Variants in SLCO5A1 observed in about 807,000 individuals in gnomAD.
The protein encoded by SLCO5A1 is organic anion transporter polypeptide-related protein 4.
Under a neutral mutation model 65.1 loss-of-function variants are expected in SLCO5A1, and 39 were observed. The observed-to-expected ratio is 0.60, with a 90% CI of 0.46 to 0.78. SLCO5A1 has a LOEUF of 0.78. Among genes scored for constraint, SLCO5A1 ranks in the 30% least tolerant of loss-of-function variants. The pLI, the probability that SLCO5A1 is intolerant of heterozygous loss-of-function variation, is 0.00. For missense variants in SLCO5A1, 1,029 were observed against 1,069.4 expected (o/e 0.96, Z 0.53); for synonymous variants, 438 against 415.7 (o/e 1.05, Z -0.65).
intron 5 of SLCO5A1, among the ~76,000 whole-genome samples, chr8:69,734,458 C>T (rs2959548): frequency 0.085 from 12,902 of 152,220 alleles, 638 homozygotes; most frequent in African/African-American, 0.1. Context: ...CTCTGTGATC[C>T]AAATTTTCTG....
intron 9 of SLCO5A1, among the ~76,000 whole-genome samples, chr8:69,674,376 G>A (rs1813462910): frequency 1.3e-5 from 2 of 152,132 alleles, no homozygotes; most frequent in Admixed American, 6.5e-5. Context: ...AAGGCAGAGA[G>A]GATAGGCAGG....
At chr8:69,739,836 A>G (rs1308569748) in intron 4 of SLCO5A1, among the ~76,000 whole-genome samples, 1 of 152,196 alleles carries the variant, frequency 6.6e-6, no homozygotes, top group Non-Finnish European at 1.5e-5. Context: ...TTAAAATGTC[A>G]TATCCAAAAT....
Position 69,802,802 on chromosome 8 carries a change from C to T in SLCO5A1, c.907+28965G>A, listed in dbSNP as rs200678327. On this transcript the variant is annotated intron_variant, in intron 2 of 9. Coordinates refer to ENST00000260126, the MANE Select transcript of SLCO5A1 (RefSeq NM_030958.3). ...CACCACTCTCCTACAAAGAGACCTACTTTATTTGCTTTTTCTTCATAGCCC... is the reference window on the plus strand; with the variant it reads ...CACCACTCTCCTACAAAGAGACCTATTTTATTTGCTTTTTCTTCATAGCCC... 9.9e-5 allele frequency among the ~76,000 whole-genome samples: 15 copies of T among 152,268 alleles called. No individual in the cohort carries two copies. In the East Asian group the frequency reaches 2.7e-3, roughly 27 times the overall value.
chr8:69,677,318 G>A (rs187092057), intron 8 of SLCO5A1, among the ~76,000 whole-genome samples: 2 of 152,202 alleles, frequency 1.3e-5, no homozygotes, highest in African/African-American at 2.4e-5. Context: ...AGATTAAAGG[G>A]CTCCTTTTCT....
intron 2 of SLCO5A1, among the ~76,000 whole-genome samples, chr8:69,821,718 A>G (rs1820651999): frequency 6.6e-6 from 1 of 151,778 alleles, no homozygotes; most frequent in African/African-American, 2.4e-5. Flanking sequence ...GGTGGGAGAA[A>G]CACCTGAGCC....
intron 2 of SLCO5A1, among the ~76,000 whole-genome samples, chr8:69,768,400 T>C (rs1818170700): frequency 1.3e-5 from 2 of 152,238 alleles, no homozygotes; most frequent in Non-Finnish European, 2.9e-5. Flanking sequence ...ATCAAAGGAA[T>C]GCCCATCACT....
chr8:69,802,522 A>AC (rs1819788867), intron 2 of SLCO5A1, among the ~76,000 whole-genome samples: 2 of 77,398 alleles, frequency 2.6e-5, no homozygotes, highest in Non-Finnish European at 3.5e-5. Flanking sequence ...AAAAACACTA[A>AC]AAAAAAAAAA....
chr8:69,726,290 T>C (rs764507002), intron 5 of SLCO5A1, among the ~76,000 whole-genome samples: 2 of 152,186 alleles, frequency 1.3e-5, no homozygotes, highest in Admixed American at 6.5e-5. Context: ...GCCATTTATA[T>C]TGGAAAAATA....
chr8:69,762,274 C>T (rs1354861721), intron 2 of SLCO5A1, among the ~76,000 whole-genome samples: 1 of 151,852 alleles, frequency 6.6e-6, no homozygotes, highest in African/African-American at 2.4e-5. Context: ...GCAAGCTCCA[C>T]CTCCCAGGTT....
intron 2 of SLCO5A1, chr8:69,772,791 C>G (rs893170672): frequency 1.6e-5 from 5 of 304,496 alleles, no homozygotes; most frequent in Middle Eastern, 1.6e-3. Flanking sequence ...GGCCTTATGC[C>G]CTAAAAGGTC....
chr8:69,707,149 A>C (rs1391316870), intron 5 of SLCO5A1, among the ~76,000 whole-genome samples: 1 of 152,148 alleles, frequency 6.6e-6, no homozygotes, highest in Non-Finnish European at 1.5e-5. Flanking sequence ...GAGACTCCAC[A>C]CCTCAAAAAA....
At chr8:69,820,933 G>C (rs550454708) in intron 2 of SLCO5A1, among the ~76,000 whole-genome samples, 2 of 152,150 alleles carry the variant, frequency 1.3e-5, no homozygotes, top group Non-Finnish European at 2.9e-5. Context: ...GCTGGGAGAA[G>C]CCAAGGGGTT....
At chr8:69,756,164 C>T (rs1023433865) in intron 3 of SLCO5A1, among the ~76,000 whole-genome samples, 2 of 152,150 alleles carry the variant, frequency 1.3e-5, no homozygotes, top group African/African-American at 4.8e-5. Flanking sequence ...TGACTCACAC[C>T]TATAATCCCA....
chr8:69,688,978 T>C (rs1814120009), intron 6 of SLCO5A1, among the ~76,000 whole-genome samples: 1 of 151,190 alleles, frequency 6.6e-6, no homozygotes, highest in Non-Finnish European at 1.5e-5. Context: ...TTCCTATTTC[T>C]CCACATCCTC....
rs2130935262 is a variant in SLCO5A1 at position 69,834,975 on chromosome 8, G to A, written c.-618C>T. ...TCCGTCCAGCCGAAGAGAAATCAGT[G>A]AATGAGACTGTGACTCAGGCTGAAC... On this transcript the variant is annotated 5_prime_UTR_variant, in exon 1 of 10. Transcript: ENST00000260126. The A allele has an allele frequency of 6.5e-6, 1 of 152,750 alleles. No homozygotes were observed. Among genetic ancestry groups the A allele is most frequent in the African/African-American group, 2.4e-5 (1 of 41,592 alleles). 9.5% of individuals were successfully genotyped at this position (152,750 alleles called of 1,614,324 possible).
chr8:69,698,881 AC>A (rs1814606960), intron 6 of SLCO5A1, among the ~76,000 whole-genome samples: 1 of 152,214 alleles, frequency 6.6e-6, no homozygotes, highest in Admixed American at 6.5e-5. Flanking sequence ...AAATAAACAA[AC>A]AAAAACTAGT....
intron 3 of SLCO5A1, 163 bp downstream of exon 3, chr8:69,761,580 C>T (rs1435975747): frequency 1.7e-5 from 11 of 664,576 alleles, no homozygotes; most frequent in South Asian, 7.8e-5. Flanking sequence ...GGGATTAGGA[C>T]GTAGCTTTCT....
chr8:69,776,652 T>C (rs1001155772), intron 2 of SLCO5A1, among the ~76,000 whole-genome samples: 12 of 151,988 alleles, frequency 7.9e-5, no homozygotes, highest in African/African-American at 2.9e-4. Flanking sequence ...ATCATGCCAC[T>C]GCACTCCAGC....
chr8:69,673,090 G>A lies in SLCO5A1; in HGVS notation c.2326C>T (p.Pro776Ser), dbSNP rs117676215. ...GLQRRRQREF[P>S]LSTVSERVGH... ...ACTCTCTCACTCACGGTGCTCAGGG[G>A]AAATTCTCTCTGCCTCCGCCTCTGC... is the stretch of plus-strand genomic sequence containing the variant. The change falls in exon 10 of 10, where the codon CCC becomes TCC. Residue 776 changes from proline (P) to serine (S), a missense_variant. Around this residue, in one of 3 missense-constraint regions of SLCO5A1, gnomAD observed 258 missense variants for 237.4 expected, o/e 1.09. Coordinates refer to ENST00000260126, the MANE Select transcript of SLCO5A1 (RefSeq NM_030958.3). 2,700 of 1,614,224 alleles carry A rather than the reference G, an allele frequency of 1.7e-3. 108 individuals are homozygous for A. In the East Asian group the frequency reaches 0.057, roughly 34 times the overall value.
Sources: gnomAD v4.1 joint callset for allele counts (sites outside exome capture counted in the v4.1 genomes callset) on GRCh38, gnomAD v4.1.1 for gene constraint, gnomAD v4.1.1 regional missense constraint, MANE v1.5 for transcripts, NCBI Gene and HGNC (gene_info 2026-07-23, HGNC 2026-07-21) for gene names.